Variants in SYAP1 observed in about 807,000 individuals in gnomAD.
SYAP1 encodes the protein synapse-associated protein 1.
A neutral mutation model predicts 29.6 loss-of-function variants in SYAP1; 3 were observed. The ratio of observed to expected loss-of-function variants is 0.10; its 90% CI spans 0.05 to 0.26. SYAP1 has a LOEUF of 0.26. SYAP1 is among the 10% of genes least tolerant of loss of function. The pLI, the probability that SYAP1 is intolerant of heterozygous loss-of-function variation, is 1.00. For missense variants in SYAP1, 217 were observed against 264.1 expected (o/e 0.82, Z 1.24); for synonymous variants, 102 against 102.7 (o/e 0.99, Z 0.04).
intron 1 of SYAP1, among the ~76,000 whole-genome samples, chrX:16,730,690 C>T (rs368089965): frequency 3.5e-4 from 39 of 112,457 alleles, no homozygotes; most frequent in African/African-American, 1.3e-3. Context: ...TAAATTCTTT[C>T]ACAACTTACA....
intron 4 of SYAP1, 43 bp downstream of exon 4, chrX:16,741,832 G>A (rs1926467274): frequency 3.3e-6 from 3 of 908,533 alleles, no homozygotes; most frequent in Non-Finnish European, 4.7e-6. Context: ...ACTTTCTTCT[G>A]TCATGATATA....
chrX:16,738,551 A>T (rs751868989), intron 3 of SYAP1, among the ~76,000 whole-genome samples: 5 of 112,183 alleles, frequency 4.5e-5, no homozygotes, highest in Non-Finnish European at 9.4e-5. Context: ...ATGCGCCTGT[A>T]ATCCCAGCTC....
At chrX:16,744,560 C>T (rs755782932) in intron 5 of SYAP1, among the ~76,000 whole-genome samples, 19 of 112,526 alleles carry the variant, frequency 1.7e-4, no homozygotes, top group Non-Finnish European at 2.8e-4. Flanking sequence ...CAGCTGGGTG[C>T]GGTGGCCAAT....
In SYAP1 at chrX:16,745,563, T is replaced by TA. The variant is rs78503807; in HGVS notation, c.575+1735dup. On this transcript the variant is annotated intron_variant, in intron 5 of 8. Coordinates refer to ENST00000380155, the MANE Select transcript of SYAP1 (RefSeq NM_032796.4). ...CAAATAGTGAAACCCTGTTTCTACT[T>TA]AAAAAAAAAAAATACAAAAAATTAG... Among the ~76,000 whole-genome samples, 909 of 102,851 alleles carry TA rather than the reference T, an allele frequency of 8.8e-3. 4 individuals are homozygous for TA. Among genetic ancestry groups the TA allele is most frequent in the African/African-American group, 0.029 (831 of 28,527 alleles). 89.3% of individuals were successfully genotyped at this position (102,851 alleles called of 115,157 possible).
In SYAP1 at chrX:16,719,711, G is replaced by A; in HGVS notation, c.-14G>A. 1 of 1,202,971 alleles carries A rather than the reference G, an allele frequency of 8.3e-7. No individual in the cohort carries two copies. The highest frequency in any genetic ancestry group is 1.1e-6 in the Non-Finnish European group (1 of 892,273). On this transcript the variant is annotated 5_prime_UTR_variant, in exon 1 of 9. Transcript: ENST00000380155. ...CTCTGGGGATCGGGACCGCGGCGGC[G>A]GCCCGCGAGCGGGATGTTCCGGGGC...
At chrX:16,726,138 A>G (rs1008823658) in intron 1 of SYAP1, among the ~76,000 whole-genome samples, 6 of 111,834 alleles carry the variant, frequency 5.4e-5, no homozygotes, top group African/African-American at 2.0e-4. Context: ...CACCAGACCA[A>G]CGCAAAATTA....
intron 1 of SYAP1, 64 bp downstream of exon 1, chrX:16,719,963 G>A: frequency 3.7e-6 from 4 of 1,093,363 alleles, no homozygotes; most frequent in Non-Finnish European, 4.9e-6. Context: ...GGACGGCCCT[G>A]GGGCGCGGGC....
At chrX:16,721,287 A>C (rs1173407044) in intron 1 of SYAP1, among the ~76,000 whole-genome samples, 1 of 110,414 alleles carries the variant, frequency 9.1e-6, no homozygotes, top group Non-Finnish European at 1.9e-5. Context: ...GCTGGAGTGC[A>C]GTGGCACGAT....
At chrX:16,742,340 C>T (rs1359445522) in intron 4 of SYAP1, among the ~76,000 whole-genome samples, 5 of 108,911 alleles carry the variant, frequency 4.6e-5, no homozygotes, top group South Asian at 3.9e-4. Context: ...TGAGTAGAGA[C>T]GGGGTTTCAC....
At chrX:16,753,669 C>T (rs1011754232) in intron 5 of SYAP1, among the ~76,000 whole-genome samples, 1 of 111,095 alleles carries the variant, frequency 9.0e-6, no homozygotes, top group Non-Finnish European at 1.9e-5. Context: ...GGTGCCACTG[C>T]TCTGCATGCT....
intron 5 of SYAP1, among the ~76,000 whole-genome samples, chrX:16,751,856 C>A (rs1378134134): frequency 1.9e-5 from 2 of 105,509 alleles, no homozygotes; most frequent in Non-Finnish European, 3.9e-5. Context: ...TTGTATTTTT[C>A]ATAGAGACGG....
At chrX:16,724,115 G>T (rs1926028957) in intron 1 of SYAP1, among the ~76,000 whole-genome samples, 1 of 112,232 alleles carries the variant, frequency 8.9e-6, no homozygotes, top group African/African-American at 3.2e-5. Flanking sequence ...TGGCCGTGAT[G>T]TATTGCAATG....
chrX:16,757,168 G>C lies in SYAP1; in HGVS notation c.790G>C (p.Glu264Gln). The C allele has an allele frequency of 8.3e-7, 1 of 1,210,998 alleles. No homozygotes were observed. Reference sequence around the variant, plus strand: ...CTCATTTGTTGCATTTCAGGATGAGGAAGAAATTTCTACTAGCCCAGGTGT... The same window carrying C: ...CTCATTTGTTGCATTTCAGGATGAGCAAGAAATTTCTACTAGCCCAGGTGT... ...KSQLKTQEDE[E>Q]EISTSPGVSE... The change falls in exon 8 of 9, where the codon GAA becomes CAA. Residue 264 changes from glutamate (E) to glutamine (Q), a missense_variant. Transcript: ENST00000380155.
Position 16,760,777 on chromosome X carries a change from T to C in SYAP1, c.*418T>C, listed in dbSNP as rs1446001424. 1 of 112,516 alleles carries C rather than the reference T, an allele frequency of 8.9e-6. No homozygotes were observed. The highest frequency in any genetic ancestry group is 1.9e-5 in the Non-Finnish European group (1 of 53,507). The allele number at this position is 112,516 out of a possible 1,213,427, so 9.3% of individuals were successfully genotyped here. ...AGTACCTACTTAATGGGTTGATTAC[T>C]ATCAAAATGACCAAATTATACCAAA... is the stretch of plus-strand genomic sequence containing the variant. On this transcript the variant is annotated 3_prime_UTR_variant, in exon 9 of 9. Transcript: ENST00000380155.
chrX:16,759,191 CA>C lies in SYAP1; in HGVS notation c.932-1025del, dbSNP rs746963652. The stretch of plus-strand genomic sequence containing the variant: ...TGGGCAACAGAGCAAGACTCCGTCT[CA>C]AAAAAAAAAAAAAAATACAAAAATT... On this transcript the variant is annotated intron_variant, in intron 8 of 8. Coordinates refer to ENST00000380155, the MANE Select transcript of SYAP1 (RefSeq NM_032796.4). Among the ~76,000 whole-genome samples, 669 of 76,357 alleles carry C rather than the reference CA, an allele frequency of 8.8e-3. 3 individuals are homozygous for C. Among genetic ancestry groups the C allele is most frequent in the African/African-American group, 0.026 (530 of 20,325 alleles). 66.3% of individuals were successfully genotyped at this position (76,357 alleles called of 115,157 possible).
chrX:16,733,949 A>T (rs933444562), intron 1 of SYAP1, among the ~76,000 whole-genome samples: 5 of 111,303 alleles, frequency 4.5e-5, no homozygotes, highest in African/African-American at 1.3e-4. Context: ...ATGAGCCCTT[A>T]TAGTGCAATA....
chrX:16,754,591 G>C (rs1249646603), intron 5 of SYAP1, among the ~76,000 whole-genome samples: 2 of 110,793 alleles, frequency 1.8e-5, no homozygotes, highest in East Asian at 5.6e-4. Context: ...AGCTGTGCAT[G>C]GTGGCGGGCA....
chrX:16,732,659 G>A (rs966721989), intron 1 of SYAP1, among the ~76,000 whole-genome samples: 4 of 112,191 alleles, frequency 3.6e-5, no homozygotes, highest in Admixed American at 2.9e-4. Context: ...GACCTGGCCT[G>A]CAACAGTTTT....
At position 16,745,549 on chromosome X, in the gene SYAP1, A is replaced by G. The variant is rs1439823675; in HGVS notation, c.575+1709A>G. Among the ~76,000 whole-genome samples the G allele has an allele frequency of 2.7e-5, 3 of 109,452 alleles. No individual in the cohort carries two copies. In the East Asian group the frequency reaches 8.5e-4, roughly 31 times the overall value. On this transcript the variant is annotated intron_variant, in intron 5 of 8. Coordinates refer to ENST00000380155, the MANE Select transcript of SYAP1 (RefSeq NM_032796.4). Reference sequence around the variant, plus strand: ...GAGACCAGCCTGGGCAAATAGTGAAACCCTGTTTCTACTTAAAAAAAAAAA... The same window carrying G: ...GAGACCAGCCTGGGCAAATAGTGAAGCCCTGTTTCTACTTAAAAAAAAAAA...
Sources: allele counts gnomAD v4.1 joint callset (sites outside exome capture counted in the v4.1 genomes callset), GRCh38; gene constraint gnomAD v4.1.1; transcripts MANE v1.5; gene names NCBI Gene and HGNC (gene_info 2026-07-23, HGNC 2026-07-21).